The following HNRNPA3 variants were observed in gnomAD, a reference collection of about 807,000 sequenced individuals.
HNRNPA3 encodes the protein heterogeneous nuclear ribonucleoprotein A3, also known as epididymis secretory sperm binding protein.
HNRNPA3 carries 3 observed loss-of-function variants against 45.8 expected under a neutral mutation model. The observed-to-expected ratio is 0.07, with a 90% CI of 0.03 to 0.17. HNRNPA3 has a LOEUF of 0.17. HNRNPA3 is among the 10% of genes least tolerant of loss of function. The pLI is 1.00. For missense variants in HNRNPA3, 183 were observed against 480.3 expected, an observed-to-expected ratio of 0.38 and a Z score of 5.79; for synonymous variants, 170 against 155.6, an observed-to-expected ratio of 1.09 and a Z score of -0.69.
intron 1 of HNRNPA3, 152 bp from the exon 2 acceptor site, chr2:177,215,387 G>A (rs540623077): frequency 3.9e-6 from 3 of 762,992 alleles, no homozygotes; most frequent in Admixed American, 2.6e-5. Flanking sequence ...GAGACATCGC[G>A]CCGGTGTCTG....
At position 177,218,051 on chromosome 2, in the gene HNRNPA3, TC is replaced by T. The variant is rs1178166000; in HGVS notation, c.961+207del. Among the ~76,000 whole-genome samples, 30 of 110,474 alleles carry T rather than the reference TC, an allele frequency of 2.7e-4. 1 individual carries two copies. Among genetic ancestry groups the T allele is most frequent in the African/African-American group, 7.0e-4 (23 of 33,062 alleles). 72.5% of individuals were successfully genotyped at this position (110,474 alleles called of 152,430 possible). On this transcript the variant is annotated intron_variant, in intron 8 of 10. Coordinates refer to ENST00000392524, the Ensembl canonical transcript of HNRNPA3. ...TACAAATGTACTCAGCTCTCTTTTTTCTTTTTTTTTTTTTTTTTTTTTTTTT... is the reference window on the plus strand; with the variant it reads ...TACAAATGTACTCAGCTCTCTTTTTTTTTTTTTTTTTTTTTTTTTTTTTTT...
downstream of HNRNPA3, chr2:177,222,723 C>G (rs569408833): frequency 6.6e-6 from 1 of 152,438 alleles, no homozygotes; most frequent in African/African-American, 2.4e-5. Context: ...ATCAGGCAGT[C>G]GAGGCTGCAG....
chr2:177,215,887 T>G (rs1688912574), exon 3 of HNRNPA3: 1 of 1,596,314 alleles, frequency 6.3e-7, no homozygotes, highest in South Asian at 1.1e-5. Context: ...AGAGAGCTGT[T>G]TCTAGAGAGG....
chr2:177,214,488 A>T (rs912342991), intron 1 of HNRNPA3, among the ~76,000 whole-genome samples: 1 of 152,140 alleles, frequency 6.6e-6, no homozygotes. Flanking sequence ...ATTGTTCTTC[A>T]TCACAGTTTT....
At chr2:177,215,984 G>A (rs1688917658) in exon 4 of HNRNPA3, 1 of 1,601,000 alleles carries the variant, frequency 6.2e-7, no homozygotes, top group South Asian at 1.1e-5. Flanking sequence ...GTAGGATTCT[G>A]TAAAGCCTGG....
intron 7 of HNRNPA3, 105 bp from the exon 8 acceptor site, chr2:177,217,600 C>A (rs1688999432): frequency 7.1e-7 from 1 of 1,404,696 alleles, no homozygotes; most frequent in East Asian, 2.3e-5. Context: ...GTACTTGAGC[C>A]CGGGCAACAG....
chr2:177,216,374 C>G (rs1688935957), intron 4 of HNRNPA3, 129 bp from the exon 5 acceptor site: 2 of 738,216 alleles, frequency 2.7e-6, no homozygotes, highest in Non-Finnish European at 4.4e-6. Flanking sequence ...TCTCAGAATG[C>G]TCCTTCATTA....
At chr2:177,223,803 TAATGA>T (rs1164151985), downstream of HNRNPA3, 1 of 152,364 alleles carries the variant, frequency 6.6e-6, no homozygotes, top group Admixed American at 6.5e-5. Flanking sequence ...ATTTGTAGTA[TAATGA>T]AATGTTTACA....
At chr2:177,217,980 A>T in intron 8 of HNRNPA3, 135 bp downstream of exon 8, 1 of 770,092 alleles carries the variant, frequency 1.3e-6, no homozygotes, top group Non-Finnish European at 1.9e-6. Flanking sequence ...AATGGTTGGT[A>T]GTTCAAACCA....
downstream of HNRNPA3, chr2:177,221,862 T>C (rs764447028): frequency 2.0e-5 from 3 of 152,636 alleles, no homozygotes; most frequent in African/African-American, 2.4e-5. Flanking sequence ...AACTGAAATA[T>C]CGAAGAAAGT....
At chr2:177,221,078 G>A (rs1420622744), downstream of HNRNPA3, 1 of 152,616 alleles carries the variant, frequency 6.6e-6, no homozygotes, top group African/African-American at 2.4e-5. Flanking sequence ...TGCAATGCCA[G>A]CATGGAAATT....
At chr2:177,214,719 C>A (rs746740197) in intron 1 of HNRNPA3, among the ~76,000 whole-genome samples, 5 of 152,170 alleles carry the variant, frequency 3.3e-5, no homozygotes, top group African/African-American at 9.7e-5. Context: ...GGCGTGAACC[C>A]GGGAGGCGGA....
chr2:177,212,853 T>C (rs1201095628), exon 1 of HNRNPA3: 1 of 1,537,498 alleles, frequency 6.5e-7, no homozygotes, highest in South Asian at 1.2e-5. Flanking sequence ...GCCGTCGCCG[T>C]CGCCGCCGGG....
downstream of HNRNPA3, chr2:177,221,000 T>C (rs1212452325): frequency 6.6e-6 from 1 of 152,618 alleles, no homozygotes; most frequent in East Asian, 1.9e-4. Context: ...GAATGGGGTG[T>C]GCTAGTGTTT....
In HNRNPA3 at chr2:177,216,200, T is replaced by C; in HGVS notation, c.553+12T>C. The C allele has an allele frequency of 6.6e-7, 1 of 1,509,994 alleles. No homozygotes were observed. Among genetic ancestry groups the C allele is most frequent in the Non-Finnish European group, 9.0e-7 (1 of 1,106,134 alleles). 93.5% of individuals were successfully genotyped at this position (1,509,994 alleles called of 1,614,324 possible). A position where few individuals can be genotyped will look rare whatever the true frequency, so the allele number is the denominator to read the frequency against. On this transcript the variant is annotated intron_variant, in intron 4 of 10. Transcript: ENST00000392524. ...TGATAAAATTGTTGGTAAGTAGCAA[T>C]TTATGGTAACTTGAATGAGAAAGTA... is the stretch of plus-strand genomic sequence containing the variant.
rs371978761 is a variant in HNRNPA3, at chr2:177,217,602, G to A, written c.821-103G>A. ...TGGTTGCACCACTGTACTTGAGCCC[G>A]GGCAACAGAGCAAGACCCAGTCTCT... On this transcript the variant is annotated intron_variant, in intron 7 of 10. Coordinates refer to ENST00000392524, the Ensembl canonical transcript of HNRNPA3. 1.8e-3 allele frequency: 2,551 copies of A among 1,425,466 alleles called. 7 individuals carry two copies. Among genetic ancestry groups the A allele is most frequent in the Middle Eastern group, 4.7e-3 (19 of 4,046 alleles). 88.3% of individuals were successfully genotyped at this position (1,425,466 alleles called of 1,614,324 possible).
At chr2:177,220,823 T>TTAACTAAATTA (rs1375766241), downstream of HNRNPA3, 1 of 152,630 alleles carries the variant, frequency 6.6e-6, no homozygotes, top group Non-Finnish European at 1.5e-5. Flanking sequence ...TAAGGTCATA[T>TTAACTAAATTA]ATACATATAT....
chr2:177,215,075 T>TG (rs1216336215), intron 1 of HNRNPA3, among the ~76,000 whole-genome samples: 1 of 152,214 alleles, frequency 6.6e-6, no homozygotes, highest in African/African-American at 2.4e-5. Context: ...CTTTAACAGT[T>TG]GAAGTCTTAT....
chr2:177,217,913 T>A (rs1430104018), intron 8 of HNRNPA3, 68 bp downstream of exon 8: 1 of 1,400,946 alleles, frequency 7.1e-7, no homozygotes, highest in Non-Finnish European at 9.6e-7. Flanking sequence ...ATGACACATA[T>A]TTGGAAAGTG....
Sources: gnomAD v4.1 joint callset for allele counts (sites outside exome capture counted in the v4.1 genomes callset) on GRCh38, gnomAD v4.1.1 for gene constraint, MANE v1.5 for transcripts, NCBI Gene and HGNC (gene_info 2026-07-23, HGNC 2026-07-21) for gene names.